The following RWDD3 variants were observed in gnomAD, a reference collection of about 807,000 sequenced individuals.
RWDD3 encodes the protein RWD domain containing 3.
RWDD3 carries 30 observed loss-of-function variants against 26.5 expected under a neutral mutation model. The observed-to-expected ratio is 1.13, with a 90% CI of 0.85 to 1.54. The LOEUF is 1.54. Ranked by LOEUF, RWDD3 falls within the 40% of genes most tolerant of loss-of-function variation. The pLI, the probability that RWDD3 is intolerant of heterozygous loss-of-function variation, is 0.00. For missense variants in RWDD3, 296 were observed against 309.1 expected (o/e 0.96, Z 0.32); for synonymous variants, 113 against 114.5 (o/e 0.99, Z 0.09).
chr1:95,235,967 G>A (rs924603974), intron 1 of RWDD3, among the ~76,000 whole-genome samples: 2 of 152,056 alleles, frequency 1.3e-5, no homozygotes, highest in South Asian at 2.1e-4. Context: ...GAGATTTATC[G>A]TTCTAATGTT....
chr1:95,245,998 A>C (rs1680838622), intron 2 of RWDD3: 2 of 152,064 alleles, frequency 1.3e-5, no homozygotes, highest in Non-Finnish European at 1.5e-5. Flanking sequence ...TATTTTTATA[A>C]GATTGTATAC....
At chr1:95,243,518 A>G (rs7528790) in intron 1 of RWDD3, 125,185 of 152,268 alleles carry the variant, frequency 0.82, 51,919 homozygotes, top group South Asian at 0.94. Context: ...GGGTGAAGCC[A>G]AGCAAATCTG....
chr1:95,235,770 C>A (rs1435632713), intron 1 of RWDD3, among the ~76,000 whole-genome samples: 2 of 152,050 alleles, frequency 1.3e-5, no homozygotes, highest in Non-Finnish European at 2.9e-5. Context: ...GACACCGCTA[C>A]CCATGGCCTC....
intron 1 of RWDD3, among the ~76,000 whole-genome samples, chr1:95,237,012 A>G (rs1009214526): frequency 1.3e-5 from 2 of 152,200 alleles, no homozygotes; most frequent in African/African-American, 2.4e-5. Flanking sequence ...GTTTAATTCC[A>G]TGTTCTGGCA....
At position 95,234,297 on chromosome 1, in the gene RWDD3, G is replaced by A; in HGVS notation, c.67G>A (p.Glu23Lys). 6.3e-7 allele frequency: 1 copy of A among 1,596,718 alleles called. No homozygotes were observed. The highest frequency in any genetic ancestry group is 8.5e-7 in the Non-Finnish European group (1 of 1,171,944). ...AAIFCRPHEWEVLSRSETDGT... is the reference protein window; with the variant it reads ...AAIFCRPHEWKVLSRSETDGT... The stretch of plus-strand genomic sequence containing the variant: ...GATTTTCTGCAGGCCCCACGAGTGG[G>A]AGGTGCTGAGCCGCTCAGGTGACTA... Residue 23 changes from glutamate (E) to lysine (K), a missense_variant, in exon 1 of 4, where the codon GAG (glutamate) becomes AAG (lysine). By Grantham distance (56) the Glu-to-Lys change is moderately conservative. Transcript: ENST00000370202.
chr1:95,235,135 C>T (rs1680257491), intron 1 of RWDD3, among the ~76,000 whole-genome samples: 1 of 151,020 alleles, frequency 6.6e-6, no homozygotes, highest in Non-Finnish European at 1.5e-5. Context: ...CAACCTCCGC[C>T]TCCCGGGTTC....
chr1:95,236,653 T>G (rs1478795104), intron 1 of RWDD3, among the ~76,000 whole-genome samples: 1 of 152,232 alleles, frequency 6.6e-6, no homozygotes, highest in East Asian at 1.9e-4. Flanking sequence ...CTCTTCTGAT[T>G]GGATAATTCT....
chr1:95,241,904 T>G (rs756327900), intron 1 of RWDD3, among the ~76,000 whole-genome samples: 1 of 150,628 alleles, frequency 6.6e-6, no homozygotes, highest in Non-Finnish European at 1.5e-5. Context: ...CCACAGATAA[T>G]CAAAGGTTGC....
In RWDD3 at chr1:95,234,268, C is replaced by T; in HGVS notation, c.38C>T (p.Ala13Val). 1 of 1,598,770 alleles carries T rather than the reference C, an allele frequency of 6.3e-7. No individual in the cohort carries two copies. The highest frequency in any genetic ancestry group is 8.5e-7 in the Non-Finnish European group (1 of 1,173,236). ...EPVQEELSVL[A>V]AIFCRPHEWE... ...GTGCAGGAGGAGCTCTCGGTCCTGG[C>T]CGCGATTTTCTGCAGGCCCCACGAG... The change falls in exon 1 of 4, where the codon GCC becomes GTC. Residue 13 changes from alanine to valine, a missense_variant. Ala to Val is a moderately conservative substitution (Grantham distance 64). Transcript: ENST00000370202.
chr1:95,237,184 C>T (rs1170537392), intron 1 of RWDD3, among the ~76,000 whole-genome samples: 6 of 148,790 alleles, frequency 4.0e-5, no homozygotes, highest in African/African-American at 1.2e-4. Context: ...CCATGATTTT[C>T]GTAACATCTT....
chr1:95,239,628 C>A, intron 1 of RWDD3: 2 of 599,778 alleles, frequency 3.3e-6, no homozygotes, highest in Middle Eastern at 6.8e-4. Context: ...GGGGGATTTA[C>A]CAAGACCAAT....
At position 95,243,835 on chromosome 1, in the gene RWDD3, A is replaced by G. The variant is rs111991424; in HGVS notation, c.86-376A>G. Among the ~76,000 whole-genome samples, 1,215 of 152,302 alleles carry G rather than the reference A, an allele frequency of 8.0e-3. 11 individuals carry two copies. Among genetic ancestry groups the G allele is most frequent in the Non-Finnish European group, 0.012 (823 of 68,022 alleles). On this transcript the variant is annotated intron_variant, in intron 1 of 3. Coordinates refer to ENST00000370202, the MANE Select transcript of RWDD3 (RefSeq NM_015485.5). ...TTTTTAAGTTAATTACTGATTTTGT[A>G]TATATGTGGTATTGTATCTTTGAAA...
intron 2 of RWDD3, chr1:95,246,330 A>G: frequency 2.6e-6 from 1 of 390,890 alleles, no homozygotes; most frequent in Non-Finnish European, 4.6e-6. Context: ...TTTAAACTTG[A>G]GGAGTTGGAT....
At chr1:95,236,257 C>T (rs370691067) in intron 1 of RWDD3, among the ~76,000 whole-genome samples, 7 of 149,966 alleles carry the variant, frequency 4.7e-5, no homozygotes, top group South Asian at 4.2e-4. Context: ...ACCCGGGAGG[C>T]GGAGGTTGCA....
Position 95,244,646 on chromosome 1 carries a change from T to G in RWDD3, c.521T>G (p.Phe174Cys). Residue 174 changes from phenylalanine (F) to cysteine (C), a missense_variant, in exon 2 of 4, where the codon TTC (phenylalanine) becomes TGC (cysteine). Phe to Cys is a radical substitution (Grantham distance 205). Transcript: ENST00000370202. ...TTAAGGCTGACAGGAAGACTGATGT[T>G]CATGGGTAAAATAATACTGATTTTA... ...SDLRLTGRLMFMGKIILILLQ... is the reference protein window; with the variant it reads ...SDLRLTGRLMCMGKIILILLQ... 6.2e-7 allele frequency: 1 copy of G among 1,614,158 alleles called. No homozygotes were observed. The highest frequency in any genetic ancestry group is 8.5e-7 in the Non-Finnish European group (1 of 1,180,010).
rs773193783 is a variant in RWDD3, at chr1:95,244,296, GC to G, written c.173del (p.Pro58GlnfsTer18). 3.5e-5 allele frequency: 56 copies of G among 1,614,086 alleles called. No homozygotes were observed. The highest frequency in any genetic ancestry group is 4.5e-5 in the Non-Finnish European group (53 of 1,180,038). On this transcript the variant is annotated frameshift_variant, in exon 2 of 4. Coordinates refer to ENST00000370202, the MANE Select transcript of RWDD3 (RefSeq NM_015485.5). LOFTEE classifies it high-confidence loss of function. ...DIPLELVFHL[P>X]VNYPSCLPGI... is the part of the protein sequence containing the mutation. ...TACCTCTGGAATTGGTGTTCCATTT[GC>G]CAGTCAATTATCCTTCATGTCTACC...
chr1:95,245,891 A>G (rs535040992), intron 2 of RWDD3, among the ~76,000 whole-genome samples: 102 of 152,324 alleles, frequency 6.7e-4, no homozygotes, highest in Non-Finnish European at 1.2e-3. Context: ...ATCTATTCAT[A>G]TTTAACTAGA....
chr1:95,237,692 A>T (rs748637719), intron 1 of RWDD3, among the ~76,000 whole-genome samples: 2 of 152,210 alleles, frequency 1.3e-5, no homozygotes, highest in African/African-American at 2.4e-5. Flanking sequence ...TTCTGTATGC[A>T]TTGTAGTCAG....
At chr1:95,234,186 T>TGCGGCA (rs1489169285), upstream of RWDD3, 2 of 1,540,750 alleles carry the variant, frequency 1.3e-6, no homozygotes, top group Middle Eastern at 2.2e-4. Flanking sequence ...AGGCGGCGGC[T>TGCGGCA]GCGGCAGCGG....
Sources: gnomAD v4.1 joint callset for allele counts (sites outside exome capture counted in the v4.1 genomes callset) on GRCh38, gnomAD v4.1.1 for gene constraint, MANE v1.5 for transcripts, NCBI Gene and HGNC (gene_info 2026-07-23, HGNC 2026-07-21) for gene names.